Variants in TIAM1 observed in about 807,000 individuals in gnomAD.
The protein encoded by TIAM1 is rho guanine nucleotide exchange factor TIAM1.
Under a neutral mutation model 163.5 loss-of-function variants are expected in TIAM1, and 65 were observed. That is an observed-to-expected ratio of 0.40 (90% CI 0.33 to 0.49). The LOEUF (loss-of-function observed/expected upper bound fraction) is 0.49, where lower values mean the gene tolerates loss of function less well. Among genes scored for constraint, TIAM1 ranks in the 20% least tolerant of loss-of-function variants. The pLI is 0.77. For missense variants in TIAM1, 1,789 were observed against 2,044.7 expected (o/e 0.87, Z 2.41); for synonymous variants, 833 against 810.1 (o/e 1.03, Z -0.48).
intron 1 of TIAM1, among the ~76,000 whole-genome samples, chr21:31,525,530 T>A (rs973443682): frequency 6.6e-6 from 1 of 151,886 alleles, no homozygotes; most frequent in Non-Finnish European, 1.5e-5. Flanking sequence ...AGCATGAGAT[T>A]TGGAGGGGAC....
intron 1 of TIAM1, among the ~76,000 whole-genome samples, chr21:31,555,567 C>G (rs768841333): frequency 6.6e-6 from 1 of 151,910 alleles, no homozygotes; most frequent in Non-Finnish European, 1.5e-5. Flanking sequence ...GTAACCTGGC[C>G]CAGAGGAACA....
At chr21:31,453,732 A>AAATT (rs1432128699) in intron 2 of TIAM1, among the ~76,000 whole-genome samples, 1 of 150,842 alleles carries the variant, frequency 6.6e-6, no homozygotes, top group African/African-American at 2.4e-5. Context: ...ATAAATAAAT[A>AAATT]AATTTTAAAA....
intron 2 of TIAM1, among the ~76,000 whole-genome samples, chr21:31,356,083 A>T (rs1013344549): frequency 6.6e-6 from 1 of 152,218 alleles, no homozygotes; most frequent in Non-Finnish European, 1.5e-5. Flanking sequence ...CAAGACAAGA[A>T]GCATGATCAA....
At chr21:31,221,901 G>A (rs2087582701) in intron 8 of TIAM1, among the ~76,000 whole-genome samples, 1 of 152,128 alleles carries the variant, frequency 6.6e-6, no homozygotes, top group Non-Finnish European at 1.5e-5. Context: ...AATAGATCTG[G>A]AGTCAAAAAC....
intron 2 of TIAM1, among the ~76,000 whole-genome samples, chr21:31,421,842 TAGTC>T (rs752854951): frequency 1.3e-4 from 20 of 151,862 alleles, no homozygotes; most frequent in Non-Finnish European, 1.8e-4. Context: ...AAAAAAAAAT[TAGTC>T]AGGCATGGTA....
intron 3 of TIAM1, among the ~76,000 whole-genome samples, chr21:31,276,396 T>C (rs2073300779): frequency 6.6e-6 from 1 of 152,200 alleles, no homozygotes; most frequent in Non-Finnish European, 1.5e-5. Context: ...TATCATTGTT[T>C]TCAAGTCAGA....
chr21:31,193,519 G>A (rs560438456), intron 13 of TIAM1, among the ~76,000 whole-genome samples: 1 of 152,234 alleles, frequency 6.6e-6, no homozygotes, highest in African/African-American at 2.4e-5. Flanking sequence ...CATTCTACGT[G>A]ACTCCACTGA....
intron 3 of TIAM1, among the ~76,000 whole-genome samples, chr21:31,269,391 A>C (rs2072946144): frequency 6.6e-6 from 1 of 152,270 alleles, no homozygotes; most frequent in Non-Finnish European, 1.5e-5. Context: ...AGAAACTCTC[A>C]GGGGATGGCC....
intron 13 of TIAM1, among the ~76,000 whole-genome samples, chr21:31,193,412 C>T (rs1351562025): frequency 1.3e-5 from 2 of 152,126 alleles, no homozygotes; most frequent in Non-Finnish European, 2.9e-5. Context: ...GAACCAGCCT[C>T]CCCAGAAAAG....
chr21:31,476,118 A>G (rs536739073), intron 1 of TIAM1, among the ~76,000 whole-genome samples: 2 of 152,190 alleles, frequency 1.3e-5, no homozygotes, highest in African/African-American at 2.4e-5. Flanking sequence ...CTGTTCTCCA[A>G]CTTGGGTCTT....
intron 27 of TIAM1, 130 bp downstream of exon 27, chr21:31,124,392 A>G (rs2833282): frequency 0.13 from 177,446 of 1,351,460 alleles, 13,667 homozygotes; most frequent in African/African-American, 0.34. Context: ...CACCAGGGAA[A>G]AACCGTCCTC....
chr21:31,543,584 G>GTT (rs1003342841), intron 1 of TIAM1, among the ~76,000 whole-genome samples: 1 of 152,198 alleles, frequency 6.6e-6, no homozygotes, highest in African/African-American at 2.4e-5. Context: ...GAGGAAAACT[G>GTT]TAAGAAGATG....
At chr21:31,421,741 A>C (rs1206539059) in intron 2 of TIAM1, among the ~76,000 whole-genome samples, 1 of 152,064 alleles carries the variant, frequency 6.6e-6, no homozygotes, top group Non-Finnish European at 1.5e-5. Context: ...TATAATCCCA[A>C]CGTTGTGGAA....
intron 16 of TIAM1, among the ~76,000 whole-genome samples, chr21:31,157,506 T>A (rs1014156403): frequency 6.6e-6 from 1 of 152,172 alleles, no homozygotes; most frequent in Non-Finnish European, 1.5e-5. Context: ...ATTCACTCAT[T>A]TTCCAACCCA....
intron 22 of TIAM1, among the ~76,000 whole-genome samples, chr21:31,137,532 C>G (rs1208290231): frequency 6.6e-6 from 1 of 151,994 alleles, no homozygotes; most frequent in East Asian, 1.9e-4. Context: ...GACAAATTCC[C>G]AGAGGCCACA....
rs758268963 is a variant in TIAM1 at position 31,266,905 on chromosome 21, C to A, written c.68G>T (p.Arg23Leu). 9 of 1,612,840 alleles carry A rather than the reference C, an allele frequency of 5.6e-6. No homozygotes were observed. The highest frequency in any genetic ancestry group is 2.7e-5 in the African/African-American group (2 of 74,930). Residue 23 changes from arginine to leucine, a missense_variant, in exon 4 of 28, where the codon CGC (arginine) becomes CTC (leucine). By Grantham distance (102) the Arg-to-Leu change is moderately radical (BLOSUM62 -2). Around this residue, in one of 5 missense-constraint regions of TIAM1, gnomAD observed 555 missense variants for 564.9 expected, o/e 0.98. Coordinates refer to ENST00000541036, the MANE Select transcript of TIAM1 (RefSeq NM_001353694.2). ...FYGEKHASLG[R>L]KHTSRSLRLS... The stretch of plus-strand genomic sequence containing the variant: ...GCGCAGGGAGCGGGAAGTGTGCTTG[C>A]GCCCCAGGCTGGCATGCTTTTCTCC...
At chr21:31,343,449 G>T (rs886923501) in intron 1 of TIAM1, among the ~76,000 whole-genome samples, 2 of 152,088 alleles carry the variant, frequency 1.3e-5, no homozygotes, top group African/African-American at 4.8e-5. Flanking sequence ...TTAGGCAATC[G>T]ATCCAAAGGT....
chr21:31,332,168 G>C (rs1241405921), intron 2 of TIAM1, among the ~76,000 whole-genome samples: 1 of 152,016 alleles, frequency 6.6e-6, no homozygotes, highest in Non-Finnish European at 1.5e-5. Flanking sequence ...AGAAAGAAAA[G>C]GAAACAACCA....
chr21:31,264,986 T>C (rs959441852), intron 4 of TIAM1, among the ~76,000 whole-genome samples: 1 of 152,194 alleles, frequency 6.6e-6, no homozygotes, highest in Non-Finnish European at 1.5e-5. Context: ...GCCCAATGCA[T>C]GCAGGATTAC....
Sources: gnomAD v4.1 joint callset for allele counts (sites outside exome capture counted in the v4.1 genomes callset) on GRCh38, gnomAD v4.1.1 for gene constraint, gnomAD v4.1.1 regional missense constraint, MANE v1.5 for transcripts, NCBI Gene and HGNC (gene_info 2026-07-23, HGNC 2026-07-21) for gene names.